GLI2: variants seen among roughly 807,000 people sequenced by gnomAD.
GLI2 encodes the protein transcription activator GLI2.
Under a neutral mutation model 78.9 loss-of-function variants are expected in GLI2, and 22 were observed. That is an observed-to-expected ratio of 0.28 (90% CI 0.20 to 0.40). The LOEUF is 0.40. Ranked by LOEUF, GLI2 falls within the 10% of genes least tolerant of loss-of-function variation. GLI2 has a pLI of 1.00. For missense variants in GLI2, 2,097 were observed against 2,213.2 expected (o/e 0.95, Z 1.05); for synonymous variants, 974 against 963.7 (o/e 1.01, Z -0.20).
chr2:120,827,980 G>C (rs1686172388), intron 2 of GLI2, among the ~76,000 whole-genome samples: 1 of 152,230 alleles, frequency 6.6e-6, no homozygotes, highest in African/African-American at 2.4e-5. Context: ...GGAACAACGT[G>C]AATGTACTCA....
chr2:120,746,601 T>G (rs1268883133), intron 1 of GLI2, among the ~76,000 whole-genome samples: 2 of 152,166 alleles, frequency 1.3e-5, no homozygotes, highest in Non-Finnish European at 2.9e-5. Context: ...TGGGCTCTGG[T>G]CTCTGTATTC....
chr2:120,943,192 G>A (rs1680547523), intron 3 of GLI2, among the ~76,000 whole-genome samples: 1 of 152,222 alleles, frequency 6.6e-6, no homozygotes, highest in Non-Finnish European at 1.5e-5. Flanking sequence ...AGCACCGTAG[G>A]AGGATCCTGA....
chr2:120,907,877 A>C (rs1345183080), intron 2 of GLI2, among the ~76,000 whole-genome samples: 1 of 152,224 alleles, frequency 6.6e-6, no homozygotes, highest in Non-Finnish European at 1.5e-5. Context: ...TGTGTGGTAC[A>C]CTGAGTGCTT....
chr2:120,843,697 C>T (rs1686986605), intron 2 of GLI2, among the ~76,000 whole-genome samples: 1 of 151,980 alleles, frequency 6.6e-6, no homozygotes, highest in African/African-American at 2.4e-5. Flanking sequence ...GACAGAGTCT[C>T]CCTCTGTCTC....
chr2:120,778,532 T>C (rs140992698), intron 1 of GLI2, among the ~76,000 whole-genome samples: 3 of 152,306 alleles, frequency 2.0e-5, no homozygotes, highest in African/African-American at 7.2e-5. Context: ...GGGCAGGTGC[T>C]GTGCCTGAGT....
At chr2:120,867,714 C>G (rs141843458) in intron 2 of GLI2, among the ~76,000 whole-genome samples, 2 of 152,218 alleles carry the variant, frequency 1.3e-5, no homozygotes, top group African/African-American at 4.8e-5. Context: ...ACGTCCCTTC[C>G]CCTTGTCTGC....
intron 2 of GLI2, among the ~76,000 whole-genome samples, chr2:120,797,966 G>A (rs1467530716): frequency 3.9e-5 from 6 of 152,156 alleles, no homozygotes; most frequent in South Asian, 2.1e-4. Context: ...GAGACTACAC[G>A]AGCCACAGCC....
intron 9 of GLI2, among the ~76,000 whole-genome samples, chr2:120,975,346 G>A (rs780241454): frequency 6.6e-6 from 1 of 152,204 alleles, no homozygotes; most frequent in Non-Finnish European, 1.5e-5. Flanking sequence ...ATAAGTAAAT[G>A]AGACTGTCAG....
chr2:120,749,831 G>T (rs749602957), intron 1 of GLI2, among the ~76,000 whole-genome samples: 6 of 152,220 alleles, frequency 3.9e-5, no homozygotes, highest in Non-Finnish European at 5.9e-5. Flanking sequence ...CAAGAGGGGG[G>T]CCTTGGAGAC....
At chr2:120,968,633 C>G in intron 5 of GLI2, 81 bp from the exon 6 acceptor site, 1 of 1,040,752 alleles carries the variant, frequency 9.6e-7, no homozygotes, top group Non-Finnish European at 1.5e-6. Flanking sequence ...TCCTTGCAGG[C>G]TCTTCCTATC....
At chr2:120,906,637 G>C (rs1008414692) in intron 2 of GLI2, among the ~76,000 whole-genome samples, 5 of 151,814 alleles carry the variant, frequency 3.3e-5, no homozygotes, top group Non-Finnish European at 7.4e-5. Flanking sequence ...TGAGCCCCCA[G>C]CTCTGGCCTC....
At chr2:120,770,175 A>G (rs1434478945) in intron 1 of GLI2, among the ~76,000 whole-genome samples, 2 of 152,252 alleles carry the variant, frequency 1.3e-5, no homozygotes, top group South Asian at 2.1e-4. Flanking sequence ...TGAGGCTTCC[A>G]TGTTCCCAGC....
At chr2:120,826,079 T>C (rs1468575526) in intron 2 of GLI2, among the ~76,000 whole-genome samples, 2 of 148,216 alleles carry the variant, frequency 1.3e-5, no homozygotes, top group Non-Finnish European at 3.0e-5. Flanking sequence ...CGTTGGGCCG[T>C]GGCCAGGCTC....
chr2:120,826,296 G>C (rs1305938118), intron 2 of GLI2, among the ~76,000 whole-genome samples: 3 of 152,238 alleles, frequency 2.0e-5, no homozygotes, highest in Non-Finnish European at 4.4e-5. Context: ...GCCAGGTTGG[G>C]CGTGAGGGTC....
chr2:120,871,240 G>C (rs910665808), intron 2 of GLI2, among the ~76,000 whole-genome samples: 1 of 152,244 alleles, frequency 6.6e-6, no homozygotes, highest in African/African-American at 2.4e-5. Flanking sequence ...GTCCATAGGA[G>C]CCTCTTTATC....
chr2:120,928,908 A>G (rs1679818397), intron 3 of GLI2, among the ~76,000 whole-genome samples: 1 of 152,194 alleles, frequency 6.6e-6, no homozygotes, highest in African/African-American at 2.4e-5. Flanking sequence ...TCACTCACCC[A>G]CAGAGCTTAT....
At chr2:120,943,085 C>G (rs1664524268) in intron 3 of GLI2, among the ~76,000 whole-genome samples, 1 of 152,198 alleles carries the variant, frequency 6.6e-6, no homozygotes, top group Non-Finnish European at 1.5e-5. Context: ...GAAACGGATA[C>G]AGGAGACAGG....
intron 2 of GLI2, among the ~76,000 whole-genome samples, chr2:120,875,178 G>A (rs1688673885): frequency 6.6e-6 from 1 of 152,240 alleles, no homozygotes; most frequent in South Asian, 2.1e-4. Context: ...CCTAAGCTGG[G>A]ACCTGGGGAC....
chr2:120,832,434 C>T (rs1325650172), intron 2 of GLI2, among the ~76,000 whole-genome samples: 2 of 152,166 alleles, frequency 1.3e-5, no homozygotes, highest in Non-Finnish European at 2.9e-5. Flanking sequence ...GGCTGAGGCC[C>T]AGGCTGTGTC....
Sources: gnomAD v4.1 joint callset for allele counts (sites outside exome capture counted in the v4.1 genomes callset) on GRCh38, gnomAD v4.1.1 for gene constraint, MANE v1.5 for transcripts, NCBI Gene and HGNC (gene_info 2026-07-23, HGNC 2026-07-21) for gene names.